Variants in VWF observed in about 807,000 individuals in gnomAD.
VWF encodes the protein von Willebrand factor.
In VWF, 176 loss-of-function variants were observed where a neutral mutation model predicts 308.6. The observed-to-expected ratio is 0.57, with a 90% CI of 0.50 to 0.65. VWF has a LOEUF of 0.65. Ranked by LOEUF, VWF falls within the 30% of genes least tolerant of loss-of-function variation. The pLI, the probability that VWF is intolerant of heterozygous loss-of-function variation, is 0.00. For missense variants in VWF, 3,146 were observed against 3,648.2 expected (o/e 0.86, Z 3.55); for synonymous variants, 1,385 against 1,443.4 (o/e 0.96, Z 0.92).
chr12:6,038,424 C>T (rs1187059087), intron 18 of VWF, among the ~76,000 whole-genome samples: 3 of 152,206 alleles, frequency 2.0e-5, no homozygotes, highest in African/African-American at 7.2e-5. Context: ...CATGTTGCCC[C>T]TCACCCTTGG....
At chr12:5,997,912 T>C (rs1182316726) in intron 34 of VWF, among the ~76,000 whole-genome samples, 2 of 152,190 alleles carry the variant, frequency 1.3e-5, no homozygotes, top group African/African-American at 2.4e-5. Context: ...ATTAGAGTTA[T>C]ATAACAAAAT....
rs767257065 is a variant in VWF at position 5,985,635 on chromosome 12, G to C, written c.6829C>G (p.Pro2277Ala). 6.8e-6 allele frequency: 11 copies of C among 1,614,034 alleles called. No homozygotes were observed. Among genetic ancestry groups the C allele is most frequent in the Non-Finnish European group, 9.3e-6 (11 of 1,180,040 alleles). ...FLEAWVPDHQ[P>A]CQICTCLSGR... ...CTGAGGCATGTGCAGATCTGACAGG[G>C]CTGGTGGTCCGGGACCCAGGCTTCC... The change falls in exon 39 of 52, where the codon CCC becomes GCC. Residue 2277 changes from proline (P) to alanine (A), a missense_variant. Around this residue, in one of 3 missense-constraint regions of VWF, gnomAD observed 989 missense variants for 1,117.4 expected, o/e 0.89. Transcript: ENST00000261405.
At chr12:6,041,148 G>T (rs1944391795) in intron 18 of VWF, among the ~76,000 whole-genome samples, 1 of 152,108 alleles carries the variant, frequency 6.6e-6, no homozygotes, top group Non-Finnish European at 1.5e-5. Context: ...CATTTTTTAA[G>T]GCCGGGCATG....
At chr12:6,087,326 C>T (rs979356909) in intron 6 of VWF, among the ~76,000 whole-genome samples, 1 of 151,380 alleles carries the variant, frequency 6.6e-6, no homozygotes, top group African/African-American at 2.4e-5. Context: ...TGGGAAGCGC[C>T]CAGCAAGGGT....
At chr12:6,052,894 T>A in intron 15 of VWF, 111 bp from the exon 16 acceptor site, 5 of 1,425,076 alleles carry the variant, frequency 3.5e-6, no homozygotes, top group Admixed American at 2.2e-5. Flanking sequence ...TTAATTAAAA[T>A]TTTTATTGAG....
intron 14 of VWF, among the ~76,000 whole-genome samples, chr12:6,057,340 G>T (rs1209196379): frequency 1.9e-5 from 2 of 107,306 alleles, no homozygotes; most frequent in Admixed American, 1.6e-4. Context: ...GGAGAGACAC[G>T]GTCTTGCTCT....
chr12:6,122,353 T>C (rs889264417), intron 2 of VWF, among the ~76,000 whole-genome samples: 28 of 152,202 alleles, frequency 1.8e-4, no homozygotes, highest in African/African-American at 6.3e-4. Context: ...GATCAGACTG[T>C]GTGCCTGACA....
intron 5 of VWF, among the ~76,000 whole-genome samples, chr12:6,099,339 A>AC (rs1407128098): frequency 2.7e-5 from 4 of 149,614 alleles, no homozygotes; most frequent in Admixed American, 6.6e-5. Context: ...AAAAAAAAAA[A>AC]AACCAAGGAA....
At chr12:6,095,217 C>A in intron 6 of VWF, 1 of 557,898 alleles carries the variant, frequency 1.8e-6, no homozygotes, top group South Asian at 1.9e-5. Flanking sequence ...CAGTCTCAGG[C>A]ATTTGTTATA....
chr12:6,112,687 G>A (rs559893566), intron 3 of VWF, among the ~76,000 whole-genome samples: 2 of 152,276 alleles, frequency 1.3e-5, no homozygotes, highest in East Asian at 1.9e-4. Flanking sequence ...TGGCAGGTCT[G>A]TTGACTCAAG....
intron 47 of VWF, 93 bp downstream of exon 47, chr12:5,967,393 G>T: frequency 9.8e-7 from 1 of 1,020,862 alleles, no homozygotes; most frequent in South Asian, 1.3e-5. Context: ...AATAATGAGA[G>T]ATTTATTTAT....
At chr12:5,971,497 G>A in intron 44 of VWF, 102 bp downstream of exon 44, 2 of 961,218 alleles carry the variant, frequency 2.1e-6, no homozygotes, top group African/African-American at 1.6e-5. Context: ...AATGCCCAGT[G>A]GGGAAAGCAA....
rs752209524 is a variant in VWF at position 6,092,618 on chromosome 12, A to AGTGTGTGTGTGTGTGTGTGTGT, written c.657+2820_657+2841dup. Among the ~76,000 whole-genome samples the AGTGTGTGTGTGTGTGTGTGTGT allele has an allele frequency of 3.0e-5, 2 of 66,150 alleles. 1 individual carries two copies. The highest frequency in any genetic ancestry group is 5.8e-5 in the Non-Finnish European group (2 of 34,682). The allele number at this position is 66,150 out of a possible 152,430, so 43.4% of individuals were successfully genotyped here. A position where few individuals can be genotyped will look rare whatever the true frequency, so the allele number is the denominator to read the frequency against. On this transcript the variant is annotated intron_variant, in intron 6 of 51. Coordinates refer to ENST00000261405, the MANE Select transcript of VWF (RefSeq NM_000552.5). Reference sequence around the variant, plus strand: ...CCCAGCTAGTTAGTGAGTGAGTGAGAGTGTGTGTGTGTGTGTGTGTGTGTG... The same window carrying AGTGTGTGTGTGTGTGTGTGTGT: ...CCCAGCTAGTTAGTGAGTGAGTGAGAGTGTGTGTGTGTGTGTGTGTGTGTGTGTGTGTGTGTGTGTGTGTGTG...
At chr12:6,040,819 G>A (rs1230361400) in intron 18 of VWF, among the ~76,000 whole-genome samples, 2 of 152,184 alleles carry the variant, frequency 1.3e-5, no homozygotes, top group African/African-American at 4.8e-5. Context: ...CTAAGCAGGT[G>A]CCAGGCCTGG....
At position 5,976,167 on chromosome 12, in the gene VWF, T is replaced by C; in HGVS notation, c.7381A>G (p.Met2461Val). 1 of 1,614,126 alleles carries C rather than the reference T, an allele frequency of 6.2e-7. No individual in the cohort carries two copies. The highest frequency in any genetic ancestry group is 8.5e-7 in the Non-Finnish European group (1 of 1,180,044). Residue 2461 changes from methionine to valine, a missense_variant, in exon 43 of 52, where the codon ATG (methionine) becomes GTG (valine). Met to Val is a conservative substitution (Grantham distance 21). Transcript: ENST00000261405. ...CTCTDMEDAV[M>V]GLRVAQCSQK... ...GAGCACTGGGCCACGCGGAGGCCCA[T>C]CACGGCATCCTCCATGTCGGTGCAG...
At chr12:6,031,341 T>C (rs1450196435) in intron 21 of VWF, 103 bp downstream of exon 21, 1 of 1,597,286 alleles carries the variant, frequency 6.3e-7, no homozygotes. Flanking sequence ...TGGCTGTGCG[T>C]TATTCCATTC....
chr12:6,095,589 G>A lies in VWF; in HGVS notation c.533-5C>T. ...AAGGGTCCGAGGTCAAGGTCCCTGT[G>A]GAGGAAAGTTTCAGGAAAGTAATGC... is the stretch of plus-strand genomic sequence containing the variant. On this transcript the variant is annotated splice_polypyrimidine_tract_variant and splice_region_variant and intron_variant, in intron 5 of 51. Transcript: ENST00000261405. 1 of 1,614,120 alleles carries A rather than the reference G, an allele frequency of 6.2e-7. No homozygotes were observed. Among genetic ancestry groups the A allele is most frequent in the Non-Finnish European group, 8.5e-7 (1 of 1,179,998 alleles).
intron 34 of VWF, among the ~76,000 whole-genome samples, chr12:5,999,611 G>C (rs1387424094): frequency 6.6e-6 from 1 of 151,888 alleles, no homozygotes; most frequent in African/African-American, 2.4e-5. Context: ...GTCCATAAAA[G>C]CTTCTTCAAA....
chr12:5,960,926 G>A (rs892143583), intron 47 of VWF, among the ~76,000 whole-genome samples: 11 of 152,228 alleles, frequency 7.2e-5, no homozygotes, highest in Admixed American at 6.5e-5. Context: ...GTGGGCCAAT[G>A]AGTGAAGCTT....
Sources: gnomAD v4.1 joint callset for allele counts (sites outside exome capture counted in the v4.1 genomes callset) on GRCh38, gnomAD v4.1.1 for gene constraint, gnomAD v4.1.1 regional missense constraint, MANE v1.5 for transcripts, NCBI Gene and HGNC (gene_info 2026-07-23, HGNC 2026-07-21) for gene names.